KCNIP4: variants seen among roughly 807,000 people sequenced by gnomAD.
The protein encoded by KCNIP4 is potassium voltage-gated channel interacting protein 4.
Under a neutral mutation model 34.0 loss-of-function variants are expected in KCNIP4, and 12 were observed. The ratio of observed to expected loss-of-function variants is 0.35; its 90% CI spans 0.23 to 0.57. The LOEUF is 0.57. KCNIP4 is among the 20% of genes least tolerant of loss of function. The pLI, the probability that KCNIP4 is intolerant of heterozygous loss-of-function variation, is 0.83. For missense variants in KCNIP4, 238 were observed against 311.7 expected, an observed-to-expected ratio of 0.76 and a Z score of 1.78; for synonymous variants, 124 against 102.2, an observed-to-expected ratio of 1.21 and a Z score of -1.29.
chr4:20,923,660 G>A (rs1399113233), intron 1 of KCNIP4, among the ~76,000 whole-genome samples: 1 of 152,120 alleles, frequency 6.6e-6, no homozygotes, highest in African/African-American at 2.4e-5. Context: ...CATGGACTAT[G>A]GTGACTTAAG....
intron 1 of KCNIP4, among the ~76,000 whole-genome samples, chr4:21,559,610 C>A (rs916228360): frequency 5.9e-5 from 9 of 152,022 alleles, no homozygotes; most frequent in Admixed American, 3.3e-4. Flanking sequence ...CATGACTCTG[C>A]CAGGAAAGCC....
At chr4:21,813,376 C>G (rs1328622148) in intron 1 of KCNIP4, among the ~76,000 whole-genome samples, 1 of 152,036 alleles carries the variant, frequency 6.6e-6, no homozygotes, top group African/African-American at 2.4e-5. Flanking sequence ...TTCCTGCTAC[C>G]AACAACACAG....
chr4:21,093,553 A>G (rs1342962505), intron 1 of KCNIP4, among the ~76,000 whole-genome samples: 1 of 130,808 alleles, frequency 7.6e-6, no homozygotes, highest in Non-Finnish European at 1.6e-5. Context: ...GGAAAGAAAT[A>G]TGGAAAAAAA....
chr4:20,990,662 T>C (rs746926242), intron 1 of KCNIP4, among the ~76,000 whole-genome samples: 3 of 152,230 alleles, frequency 2.0e-5, no homozygotes, highest in Non-Finnish European at 2.9e-5. Flanking sequence ...CATTAGAATA[T>C]AAGCTTTCCT....
intron 1 of KCNIP4, among the ~76,000 whole-genome samples, chr4:21,884,418 G>T (rs140886930): frequency 6.6e-6 from 1 of 152,034 alleles, no homozygotes; most frequent in African/African-American, 2.4e-5. Context: ...TGCCCTCCTC[G>T]TCTAGCCCCA....
intron 1 of KCNIP4, among the ~76,000 whole-genome samples, chr4:21,620,441 G>T (rs1744924248): frequency 6.6e-6 from 1 of 152,142 alleles, no homozygotes; most frequent in Admixed American, 6.5e-5. Flanking sequence ...GGCAGAGGTT[G>T]CAGTGAGCCA....
chr4:21,697,245 A>C, intron 1 of KCNIP4: 1 of 1,312,332 alleles, frequency 7.6e-7, no homozygotes, highest in Non-Finnish European at 9.7e-7. Context: ...CAACATTAAA[A>C]ATAATCACAA....
At chr4:21,741,697 G>C (rs1043304120) in intron 1 of KCNIP4, among the ~76,000 whole-genome samples, 1 of 152,080 alleles carries the variant, frequency 6.6e-6, no homozygotes, top group Non-Finnish European at 1.5e-5. Flanking sequence ...GAAACACTGG[G>C]ATTTAAAGTG....
At chr4:20,760,254 A>G (rs1040467745) in intron 3 of KCNIP4, among the ~76,000 whole-genome samples, 8 of 152,056 alleles carry the variant, frequency 5.3e-5, no homozygotes, top group African/African-American at 1.9e-4. Flanking sequence ...CCTAACGTCC[A>G]CCCAGGACTA....
At chr4:20,994,412 ACTTTGT>A (rs1294178446) in intron 1 of KCNIP4, among the ~76,000 whole-genome samples, 3 of 152,232 alleles carry the variant, frequency 2.0e-5, no homozygotes, top group Non-Finnish European at 2.9e-5. Flanking sequence ...CAGAAAAAGA[ACTTTGT>A]CTTTGAGAAG....
chr4:21,465,026 G>A (rs1369117112), intron 1 of KCNIP4, among the ~76,000 whole-genome samples: 1 of 151,946 alleles, frequency 6.6e-6, no homozygotes, highest in Non-Finnish European at 1.5e-5. Flanking sequence ...AATCTTGACA[G>A]GATTGTTGGG....
chr4:20,973,158 A>T (rs1213779512), intron 1 of KCNIP4, among the ~76,000 whole-genome samples: 1 of 152,186 alleles, frequency 6.6e-6, no homozygotes, highest in Non-Finnish European at 1.5e-5. Flanking sequence ...TTTAGACAAC[A>T]TCTTCTCCCA....
At chr4:21,888,778 C>T (rs535151342) in intron 1 of KCNIP4, among the ~76,000 whole-genome samples, 1 of 152,112 alleles carries the variant, frequency 6.6e-6, no homozygotes, top group Non-Finnish European at 1.5e-5. Flanking sequence ...CACATAACTG[C>T]TCAAGGCTTT....
intron 1 of KCNIP4, among the ~76,000 whole-genome samples, chr4:21,236,223 T>C (rs1287936046): frequency 2.0e-5 from 3 of 152,140 alleles, no homozygotes; most frequent in Non-Finnish European, 4.4e-5. Context: ...CTCCCTAAAC[T>C]TTTTTCTTTA....
At chr4:21,006,586 G>T (rs539497433) in intron 1 of KCNIP4, among the ~76,000 whole-genome samples, 3 of 152,312 alleles carry the variant, frequency 2.0e-5, no homozygotes, top group East Asian at 3.9e-4. Flanking sequence ...TATACATCAA[G>T]AGCTATAATG....
chr4:20,933,821 G>A lies in KCNIP4; in HGVS notation c.62-51112C>T, dbSNP rs139503031. ...ATGTTCACAAGTAGGGTGGCTACCC[G>A]TTCTGGTTTATTCAGGGTCTCTTGG... is the stretch of plus-strand genomic sequence containing the variant. On this transcript the variant is annotated intron_variant, in intron 1 of 8. Coordinates refer to ENST00000382152, the MANE Select transcript of KCNIP4 (RefSeq NM_025221.6). 8.0e-3 allele frequency among the ~76,000 whole-genome samples: 1,219 copies of A among 151,892 alleles called. 20 individuals carry two copies. Among genetic ancestry groups the A allele is most frequent in the African/African-American group, 0.028 (1,142 of 41,460 alleles).
chr4:21,143,425 A>T (rs573500975), intron 1 of KCNIP4, among the ~76,000 whole-genome samples: 1 of 152,326 alleles, frequency 6.6e-6, no homozygotes, highest in East Asian at 1.9e-4. Context: ...CTACAACCAC[A>T]TGGAACTGAA....
intron 1 of KCNIP4, among the ~76,000 whole-genome samples, chr4:21,802,630 T>C (rs1046425741): frequency 1.3e-5 from 2 of 152,204 alleles, no homozygotes; most frequent in Non-Finnish European, 2.9e-5. Flanking sequence ...CAATTACTCA[T>C]TGTTGTTTAT....
chr4:20,996,546 C>G (rs1462515414), intron 1 of KCNIP4, among the ~76,000 whole-genome samples: 1 of 152,096 alleles, frequency 6.6e-6, no homozygotes, highest in African/African-American at 2.4e-5. Flanking sequence ...ATGTTCTTTA[C>G]CCCAAGATTG....
Sources: gnomAD v4.1 joint callset for allele counts (sites outside exome capture counted in the v4.1 genomes callset) on GRCh38, gnomAD v4.1.1 for gene constraint, MANE v1.5 for transcripts, NCBI Gene and HGNC (gene_info 2026-07-23, HGNC 2026-07-21) for gene names.